The following NLK variants were observed in gnomAD, a reference collection of about 807,000 sequenced individuals.
The protein encoded by NLK is nemo like kinase, also known as serine/threonine-protein kinase NLK.
Under a neutral mutation model 59.0 loss-of-function variants are expected in NLK, and 11 were observed. The ratio of observed to expected loss-of-function variants is 0.19; its 90% CI spans 0.12 to 0.31. NLK has a LOEUF of 0.31. Ranked by LOEUF, NLK falls within the 10% of genes least tolerant of loss-of-function variation. The pLI, the probability that NLK is intolerant of heterozygous loss-of-function variation, is 1.00. For synonymous variants in NLK, 235 were observed against 235.9 expected (o/e 1.00, Z 0.03); for missense variants, 410 against 661.1 (o/e 0.62, Z 4.16).
chr17:28,188,051 A>T (rs1034151350), intron 8 of NLK, among the ~76,000 whole-genome samples: 6 of 152,226 alleles, frequency 3.9e-5, no homozygotes, highest in African/African-American at 1.4e-4. Context: ...AAAATTTTTT[A>T]AATTAGCTGG....
At chr17:28,142,918 G>A (rs191909479) in intron 3 of NLK, among the ~76,000 whole-genome samples, 3 of 152,280 alleles carry the variant, frequency 2.0e-5, no homozygotes, top group African/African-American at 4.8e-5. Flanking sequence ...AAGAGAATCT[G>A]TGGCTTGAGG....
At chr17:28,051,277 A>ATTTGTTTGTTTG (rs566365199) in intron 1 of NLK, among the ~76,000 whole-genome samples, 1 of 151,376 alleles carries the variant, frequency 6.6e-6, no homozygotes, top group African/African-American at 2.4e-5. Context: ...TCCAAATCTC[A>ATTTGTTTGTTTG]TTTGTTTGTT....
Position 28,043,163 on chromosome 17 carries a change from C to G in NLK, c.290C>G (p.Pro97Arg), listed in dbSNP as rs1467731369. 1 of 1,613,554 alleles carries G rather than the reference C, an allele frequency of 6.2e-7. No individual in the cohort carries two copies. The highest frequency in any genetic ancestry group is 1.3e-5 in the African/African-American group (1 of 74,902). ...PGQQQPYFPS[P>R]APGQAPGPAA... ...CAACAACAGCCATATTTCCCATCAC[C>G]GGCACCGGGGCAGGCTCCTGGACCA... Residue 97 changes from proline to arginine, a missense_variant, in exon 1 of 11, where the codon CCG becomes CGG. By Grantham distance (103) the Pro-to-Arg change is moderately radical. This residue lies in a region of NLK where 160 missense variants were observed against 171.0 expected (regional missense o/e 0.94). Transcript: ENST00000407008.
At chr17:28,089,843 G>C (rs1488561564) in intron 1 of NLK, among the ~76,000 whole-genome samples, 1 of 152,066 alleles carries the variant, frequency 6.6e-6, no homozygotes. Context: ...CTTCTTTGCT[G>C]AATTATCTGT....
At chr17:28,171,121 C>G (rs1416562317) in intron 6 of NLK, 1 of 152,160 alleles carries the variant, frequency 6.6e-6, no homozygotes, top group African/African-American at 2.4e-5. Context: ...TCATTTCCTT[C>G]TGCCTTTAGT....
At chr17:28,138,423 C>A (rs970318004) in intron 3 of NLK, among the ~76,000 whole-genome samples, 1 of 152,146 alleles carries the variant, frequency 6.6e-6, no homozygotes, top group Non-Finnish European at 1.5e-5. Flanking sequence ...TTGTGAAGTT[C>A]TCACTCTCAG....
At chr17:28,104,424 T>G (rs554359043) in intron 1 of NLK, among the ~76,000 whole-genome samples, 1 of 152,188 alleles carries the variant, frequency 6.6e-6, no homozygotes, top group East Asian at 1.9e-4. Context: ...CCCAGCTAAT[T>G]TTTGTTTTTT....
intron 1 of NLK, among the ~76,000 whole-genome samples, chr17:28,104,427 T>A (rs572543904): frequency 6.6e-6 from 1 of 152,282 alleles, no homozygotes; most frequent in East Asian, 1.9e-4. Context: ...AGCTAATTTT[T>A]GTTTTTTTAG....
chr17:28,043,094 C>T lies in NLK; in HGVS notation c.221C>T (p.Ala74Val). ...CAGCACACCTCTTCGGCAGCTGCGG[C>T]AGCCGCAGCAGCGGCTGCAGCTGCA... ...VQQHTSSAAA[A>V]AAAAAAAAAM... Residue 74 changes from alanine to valine, a missense_variant, in exon 1 of 11, where the codon GCA becomes GTA. Ala to Val is a moderately conservative substitution (Grantham distance 64, BLOSUM62 0). Coordinates refer to ENST00000407008, the MANE Select transcript of NLK (RefSeq NM_016231.5). 1 of 1,579,964 alleles carries T rather than the reference C, an allele frequency of 6.3e-7. No homozygotes were observed. The highest frequency in any genetic ancestry group is 1.1e-5 in the South Asian group (1 of 88,526).
intron 1 of NLK, among the ~76,000 whole-genome samples, chr17:28,052,716 G>T (rs1909300338): frequency 6.6e-6 from 1 of 152,022 alleles, no homozygotes; most frequent in South Asian, 2.1e-4. Flanking sequence ...ATTTCAACAT[G>T]TATTCACTAT....
intron 3 of NLK, among the ~76,000 whole-genome samples, chr17:28,156,340 A>G (rs558371118): frequency 2.9e-4 from 44 of 152,290 alleles, no homozygotes; most frequent in African/African-American, 1.0e-3. Context: ...TAAATACTTA[A>G]ATGTGAATTT....
At chr17:28,053,256 G>A (rs569668258) in intron 1 of NLK, among the ~76,000 whole-genome samples, 11 of 152,298 alleles carry the variant, frequency 7.2e-5, no homozygotes, top group African/African-American at 2.6e-4. Flanking sequence ...CCAAGATACT[G>A]CATTTGTCTG....
At chr17:28,048,184 A>G in intron 1 of NLK, 1 of 378,208 alleles carries the variant, frequency 2.6e-6, no homozygotes. Flanking sequence ...AGAGTAGAGA[A>G]TAAAAGTAAC....
At chr17:28,048,938 T>G (rs1021565517) in intron 1 of NLK, 1 of 152,250 alleles carries the variant, frequency 6.6e-6, no homozygotes, top group African/African-American at 2.4e-5. Flanking sequence ...TATGCGTCTC[T>G]TTGGGTTTTA....
intron 1 of NLK, among the ~76,000 whole-genome samples, chr17:28,091,506 T>C (rs1904494266): frequency 6.6e-6 from 1 of 151,406 alleles, no homozygotes; most frequent in Non-Finnish European, 1.5e-5. Context: ...CACACATATA[T>C]AAAATCATTG....
At chr17:28,097,726 C>G (rs1314074825) in intron 1 of NLK, among the ~76,000 whole-genome samples, 1 of 152,024 alleles carries the variant, frequency 6.6e-6, no homozygotes, top group African/African-American at 2.4e-5. Flanking sequence ...ATGACAGATA[C>G]TTGTACATTT....
intron 7 of NLK, among the ~76,000 whole-genome samples, chr17:28,178,738 C>T (rs1908782308): frequency 6.6e-6 from 1 of 152,128 alleles, no homozygotes; most frequent in Non-Finnish European, 1.5e-5. Flanking sequence ...TCATTCAGTT[C>T]AAACTTATTT....
chr17:28,050,795 T>C (rs904746262), intron 1 of NLK, among the ~76,000 whole-genome samples: 2 of 152,022 alleles, frequency 1.3e-5, no homozygotes, highest in African/African-American at 4.8e-5. Flanking sequence ...ATGGGAGTGA[T>C]CTTTGGTGCT....
At chr17:28,117,560 C>G (rs1485091544) in intron 1 of NLK, among the ~76,000 whole-genome samples, 8 of 152,108 alleles carry the variant, frequency 5.3e-5, no homozygotes, top group Non-Finnish European at 1.2e-4. Flanking sequence ...TTATTTAACT[C>G]TTTCAGTCAA....
Sources: gnomAD v4.1 joint callset for allele counts (sites outside exome capture counted in the v4.1 genomes callset) on GRCh38, gnomAD v4.1.1 for gene constraint, gnomAD v4.1.1 regional missense constraint, MANE v1.5 for transcripts, NCBI Gene and HGNC (gene_info 2026-07-23, HGNC 2026-07-21) for gene names.